LPAR1: variants seen among roughly 807,000 people sequenced by gnomAD.
LPAR1 encodes lysophosphatidic acid receptor 1.
In LPAR1, 5 loss-of-function variants were observed where a neutral mutation model predicts 23.8. The ratio of observed to expected loss-of-function variants is 0.21; its 90% CI spans 0.11 to 0.44. The LOEUF is 0.44. LPAR1 is among the 20% of genes least tolerant of loss of function. The pLI is 0.99. For synonymous variants in LPAR1, 160 were observed against 164.7 expected, an observed-to-expected ratio of 0.97 and a Z score of 0.22; for missense variants, 311 against 482.8, an observed-to-expected ratio of 0.64 and a Z score of 3.33.
intron 2 of LPAR1, among the ~76,000 whole-genome samples, chr9:110,985,108 A>C (rs2096753732): frequency 6.6e-6 from 1 of 152,066 alleles, no homozygotes; most frequent in Admixed American, 6.6e-5. Context: ...GGGATGAAGG[A>C]GGCTATGGGT....
chr9:110,987,106 ACCAC>A (rs1423294414), intron 2 of LPAR1, among the ~76,000 whole-genome samples: 1 of 152,080 alleles, frequency 6.6e-6, no homozygotes, highest in Non-Finnish European at 1.5e-5. Flanking sequence ...ATGTAACTCC[ACCAC>A]TAGGAATTTA....
chr9:110,939,330 C>T (rs1436653795), intron 5 of LPAR1, among the ~76,000 whole-genome samples: 1 of 152,172 alleles, frequency 6.6e-6, no homozygotes, highest in African/African-American at 2.4e-5. Flanking sequence ...AGGCTACGGT[C>T]CATTTAATTT....
intron 5 of LPAR1, among the ~76,000 whole-genome samples, chr9:110,879,559 T>A (rs528616399): frequency 5.6e-4 from 85 of 151,542 alleles, no homozygotes; most frequent in African/African-American, 2.1e-3. Context: ...CAGTCCAGCA[T>A]ACATTCTCAA....
chr9:110,994,762 C>T (rs2096963644), intron 2 of LPAR1, among the ~76,000 whole-genome samples: 1 of 152,034 alleles, frequency 6.6e-6, no homozygotes, highest in South Asian at 2.1e-4. Flanking sequence ...AATAGACATC[C>T]CCAAGATCTG....
intron 5 of LPAR1, chr9:110,903,406 C>T (rs1230343139): frequency 6.6e-6 from 1 of 151,984 alleles, no homozygotes; most frequent in Non-Finnish European, 1.5e-5. Flanking sequence ...GGCCCCTGCA[C>T]AAGGGTGACA....
At chr9:110,955,636 C>G (rs2136949091) in intron 4 of LPAR1, among the ~76,000 whole-genome samples, 1 of 151,528 alleles carries the variant, frequency 6.6e-6, no homozygotes, top group African/African-American at 2.4e-5. Flanking sequence ...GCACATGGAA[C>G]AGTTCCCAGA....
chr9:110,923,890 A>G (rs1342343221), intron 5 of LPAR1, among the ~76,000 whole-genome samples: 2 of 152,218 alleles, frequency 1.3e-5, no homozygotes, highest in East Asian at 1.9e-4. Flanking sequence ...GTAAATATAC[A>G]CTAGACTTTC....
At chr9:110,963,858 G>A (rs2096093357) in intron 4 of LPAR1, among the ~76,000 whole-genome samples, 1 of 152,150 alleles carries the variant, frequency 6.6e-6, no homozygotes, top group Non-Finnish European at 1.5e-5. Context: ...AAAGACCTAT[G>A]TACTGAAGAT....
At chr9:110,930,398 G>A (rs1588387584) in intron 5 of LPAR1, among the ~76,000 whole-genome samples, 2 of 151,764 alleles carry the variant, frequency 1.3e-5, no homozygotes, top group Admixed American at 6.6e-5. Flanking sequence ...AATCCCAGCT[G>A]CTCGGGAGGC....
chr9:110,954,838 T>G (rs1564155287), intron 4 of LPAR1, among the ~76,000 whole-genome samples: 1 of 152,166 alleles, frequency 6.6e-6, no homozygotes, highest in Non-Finnish European at 1.5e-5. Context: ...AGACCATACC[T>G]ACAAGAAATG....
intron 5 of LPAR1, among the ~76,000 whole-genome samples, chr9:110,917,120 C>G (rs1301351621): frequency 6.6e-6 from 1 of 150,508 alleles, no homozygotes; most frequent in Non-Finnish European, 1.5e-5. Context: ...GGTGGATCAC[C>G]TGAGGTCAGG....
intron 2 of LPAR1, among the ~76,000 whole-genome samples, chr9:110,975,480 C>G (rs967871033): frequency 1.3e-5 from 2 of 152,092 alleles, no homozygotes; most frequent in African/African-American, 4.8e-5. Context: ...TGCAACATAC[C>G]CACAGTCACA....
chr9:110,899,915 C>T (rs1009759539), intron 5 of LPAR1, among the ~76,000 whole-genome samples: 3 of 152,154 alleles, frequency 2.0e-5, no homozygotes, highest in Admixed American at 6.5e-5. Context: ...CCCCCATGCC[C>T]CCATGGTGAA....
At chr9:110,976,893 C>T (rs1564224197) in intron 2 of LPAR1, among the ~76,000 whole-genome samples, 1 of 152,138 alleles carries the variant, frequency 6.6e-6, no homozygotes, top group Non-Finnish European at 1.5e-5. Flanking sequence ...AATATCCCCC[C>T]TATGATTCAA....
In LPAR1 at chr9:110,875,260, G is replaced by C. The variant is rs1248699149; in HGVS notation, c.*161C>G. ...TAAGCTAATTTTCAATATATATCAAGTCTTGTGGGGTCCAGGAACAAATAC... is the reference window on the plus strand; with the variant it reads ...TAAGCTAATTTTCAATATATATCAACTCTTGTGGGGTCCAGGAACAAATAC... On this transcript the variant is annotated 3_prime_UTR_variant, in exon 6 of 6. Transcript: ENST00000683809. The C allele has an allele frequency of 3.4e-6, 2 of 581,378 alleles. No homozygotes were observed. The highest frequency in any genetic ancestry group is 6.0e-6 in the Non-Finnish European group (2 of 333,200). 36.0% of individuals were successfully genotyped at this position (581,378 alleles called of 1,614,324 possible). A position where few individuals can be genotyped will look rare whatever the true frequency, so the allele number is the denominator to read the frequency against.
At chr9:110,914,498 C>T (rs896625138) in intron 5 of LPAR1, among the ~76,000 whole-genome samples, 3 of 152,202 alleles carry the variant, frequency 2.0e-5, no homozygotes, top group Non-Finnish European at 4.4e-5. Flanking sequence ...TTAACTCCCA[C>T]CAGGTCCCTC....
intron 2 of LPAR1, among the ~76,000 whole-genome samples, chr9:111,020,528 C>G (rs570065761): frequency 6.6e-6 from 1 of 152,332 alleles, no homozygotes; most frequent in South Asian, 2.1e-4. Context: ...GTCTACACCA[C>G]TTCTCTCTTA....
intron 4 of LPAR1, among the ~76,000 whole-genome samples, chr9:110,954,336 T>C (rs2095665856): frequency 6.6e-6 from 1 of 152,042 alleles, no homozygotes; most frequent in Non-Finnish European, 1.5e-5. Flanking sequence ...AATATACTGA[T>C]CAAATATTTG....
intron 4 of LPAR1, among the ~76,000 whole-genome samples, chr9:110,964,355 T>A (rs1043244321): frequency 4.6e-5 from 7 of 152,190 alleles, no homozygotes; most frequent in African/African-American, 1.7e-4. Flanking sequence ...TGAAGAAACC[T>A]GAATGTGAAT....
Sources: allele counts gnomAD v4.1 joint callset (sites outside exome capture counted in the v4.1 genomes callset), GRCh38; gene constraint gnomAD v4.1.1; transcripts MANE v1.5; gene names NCBI Gene and HGNC (gene_info 2026-07-23, HGNC 2026-07-21).